The following AGL variants were observed in gnomAD, a reference collection of about 807,000 sequenced individuals.
The protein encoded by AGL is amylo-alpha-1,6-glucosidase and 4-alpha-glucanotransferase.
Under a neutral mutation model 199.3 loss-of-function variants are expected in AGL, and 128 were observed. That is an observed-to-expected ratio of 0.64 (90% CI 0.56 to 0.74). AGL has a LOEUF of 0.74. Among genes scored for constraint, AGL ranks in the 30% least tolerant of loss-of-function variants. AGL has a pLI of 0.00. For synonymous variants in AGL, 584 were observed against 594.7 expected, an observed-to-expected ratio of 0.98 and a Z score of 0.26; for missense variants, 1,809 against 1,820.8, an observed-to-expected ratio of 0.99 and a Z score of 0.12.
At position 99,879,686 on chromosome 1, in the gene AGL, TTTC is replaced by T. The variant is rs367874912; in HGVS notation, c.1612-228_1612-226del. The stretch of plus-strand genomic sequence containing the variant: ...CATTTAGTAATATGAAACTAACATT[TTTC>T]TTCTTCTTTTCCTCTCTCATGTCTC... On this transcript the variant is annotated intron_variant, in intron 12 of 33. Coordinates refer to ENST00000361915, the MANE Select transcript of AGL (RefSeq NM_000642.3). Among the ~76,000 whole-genome samples the T allele has an allele frequency of 0.011, 1,620 of 152,238 alleles. 25 individuals carry two copies. The highest frequency in any genetic ancestry group is 0.037 in the African/African-American group (1,546 of 41,542).
chr1:99,896,854 G>A (rs115729183), intron 25 of AGL, among the ~76,000 whole-genome samples: 2,032 of 151,964 alleles, frequency 0.013, 50 homozygotes, highest in African/African-American at 0.046. Context: ...ACTGTCGTCC[G>A]GGCTGGAGTG....
At chr1:99,905,182 C>G (rs1279940334) in intron 27 of AGL, among the ~76,000 whole-genome samples, 1 of 151,792 alleles carries the variant, frequency 6.6e-6, no homozygotes, top group East Asian at 1.9e-4. Flanking sequence ...CTTCATAGAC[C>G]ACTACAAACT....
chr1:99,903,602 G>A (rs1173854260), intron 27 of AGL, among the ~76,000 whole-genome samples: 1 of 152,182 alleles, frequency 6.6e-6, no homozygotes, highest in East Asian at 1.9e-4. Context: ...ACATACGTGT[G>A]CATGTGTCTT....
At chr1:99,908,310 C>CA (rs1203258071) in intron 27 of AGL, among the ~76,000 whole-genome samples, 1 of 151,368 alleles carries the variant, frequency 6.6e-6, no homozygotes, top group African/African-American at 2.4e-5. Flanking sequence ...GCACCCTTGT[C>CA]AAAAAAAATT....
At chr1:99,904,306 T>C (rs188163635) in intron 27 of AGL, among the ~76,000 whole-genome samples, 1 of 152,266 alleles carries the variant, frequency 6.6e-6, no homozygotes, top group East Asian at 1.9e-4. Context: ...AAAACATGCA[T>C]TGTTTTATGT....
At chr1:99,880,520 T>G in intron 13 of AGL, 112 bp from the exon 14 acceptor site, 1 of 1,271,844 alleles carries the variant, frequency 7.9e-7, no homozygotes, top group Non-Finnish European at 1.1e-6. Context: ...CAGTTTTATT[T>G]TTTATAATAT....
At chr1:99,862,637 C>T (rs1650152115) in intron 4 of AGL, among the ~76,000 whole-genome samples, 1 of 152,136 alleles carries the variant, frequency 6.6e-6, no homozygotes, top group Admixed American at 6.5e-5. Context: ...AACTTACAGT[C>T]ATGGCAGAAG....
intron 25 of AGL, 119 bp downstream of exon 25, chr1:99,896,507 G>A (rs1370725067): frequency 1.2e-6 from 1 of 814,874 alleles, no homozygotes; most frequent in Non-Finnish European, 2.1e-6. Flanking sequence ...TTTTCTTTAG[G>A]TAGTTTTTAT....
At chr1:99,876,371 AAAG>A (rs1168701698) in intron 10 of AGL, 84 bp from the exon 11 acceptor site, 55 of 1,042,540 alleles carry the variant, frequency 5.3e-5, no homozygotes, top group Non-Finnish European at 7.2e-5. Context: ...ATTCATTAGA[AAAG>A]AAGTTTAGTT....
At position 99,870,404 on chromosome 1, in the gene AGL, T is replaced by C. The variant is rs764000104; in HGVS notation, c.669T>C (p.Ala223=). The change falls in exon 6 of 34, where the codon GCT becomes GCC. Residue 223 remains alanine, a synonymous_variant. Coordinates refer to ENST00000361915, the MANE Select transcript of AGL (RefSeq NM_000642.3). ...ITDVVYNHTA[A]NSKWIQEHPE... ...TGTGTCTCCTTTTTCCTTCAGCTGCTAATAGTAAATGGATCCAGGAACATC... is the reference window on the plus strand; with the variant it reads ...TGTGTCTCCTTTTTCCTTCAGCTGCCAATAGTAAATGGATCCAGGAACATC... 5.6e-6 allele frequency: 9 copies of C among 1,613,918 alleles called. No individual in the cohort carries two copies. The Admixed American group carries it at 1.3e-4, about 24-fold the overall frequency.
At chr1:99,899,546 C>T (rs200858484) in intron 25 of AGL, among the ~76,000 whole-genome samples, 5 of 150,232 alleles carry the variant, frequency 3.3e-5, no homozygotes, top group South Asian at 2.1e-4. Flanking sequence ...CTCTCTTTCT[C>T]TCTCTCTCTC....
intron 2 of AGL, among the ~76,000 whole-genome samples, chr1:99,857,042 G>A (rs930252664): frequency 1.9e-4 from 29 of 151,016 alleles, no homozygotes; most frequent in African/African-American, 4.9e-4. Flanking sequence ...CTCACCTCCC[G>A]GATGGGGCGG....
chr1:99,921,695 G>GA lies in AGL; in HGVS notation c.*44_*45insA. The GA allele has an allele frequency of 2.9e-6, 4 of 1,393,292 alleles. No individual in the cohort carries two copies. The highest frequency in any genetic ancestry group is 4.1e-6 in the Non-Finnish European group (4 of 983,534). The allele number at this position is 1,393,292 out of a possible 1,614,324, so 86.3% of individuals were successfully genotyped here. A position where few individuals can be genotyped will look rare whatever the true frequency, so the allele number is the denominator to read the frequency against. ...TATGCAATTACTTGTATTATAGGAT[G>GA]CAAGGTCATCATATGTAAATGCCTT... On this transcript the variant is annotated 3_prime_UTR_variant, in exon 34 of 34. Transcript: ENST00000361915.
At position 99,866,926 on chromosome 1, in the gene AGL, C is replaced by G. The variant is rs916170802; in HGVS notation, c.664+2337C>G. Reference sequence around the variant, plus strand: ...CTCCACCTTCCAGGTTCAAGTGATTCTCCCGCCTCAGCCTCCCAAGTAGCT... The same window carrying G: ...CTCCACCTTCCAGGTTCAAGTGATTGTCCCGCCTCAGCCTCCCAAGTAGCT... On this transcript the variant is annotated intron_variant, in intron 5 of 33. Coordinates refer to ENST00000361915, the MANE Select transcript of AGL (RefSeq NM_000642.3). Among the ~76,000 whole-genome samples the G allele has an allele frequency of 1.2e-4, 18 of 152,080 alleles. No homozygotes were observed. The East Asian group carries it at 2.9e-3, about 25-fold the overall frequency.
chr1:99,923,186 T>TATA lies in AGL; in HGVS notation c.*1537_*1539dup, dbSNP rs1191099556. 1.3e-5 allele frequency: 2 copies of TATA among 152,184 alleles called. No homozygotes were observed. Among genetic ancestry groups the TATA allele is most frequent in the Non-Finnish European group, 2.9e-5 (2 of 67,994 alleles). The allele number at this position is 152,184 out of a possible 1,614,324, so 9.4% of individuals were successfully genotyped here. On this transcript the variant is annotated 3_prime_UTR_variant, in exon 34 of 34. Transcript: ENST00000361915. ...TTGTGACAGTAATCTGACCACTATCTATAAATACATTGGACATTGGTTTCC... is the reference window on the plus strand; with the variant it reads ...TTGTGACAGTAATCTGACCACTATCTATAATAAATACATTGGACATTGGTTTCC...
intron 25 of AGL, among the ~76,000 whole-genome samples, chr1:99,897,679 A>G (rs1333189511): frequency 6.6e-6 from 1 of 152,230 alleles, no homozygotes; most frequent in Non-Finnish European, 1.5e-5. Context: ...GAAATGGAAC[A>G]TCAGCATTCA....
In AGL at chr1:99,916,406, G is replaced by T. The variant is rs767426474; in HGVS notation, c.4260-4G>T. 3.1e-6 allele frequency: 5 copies of T among 1,593,646 alleles called. No homozygotes were observed. The highest frequency in any genetic ancestry group is 1.7e-5 in the Admixed American group (1 of 59,172). On this transcript the variant is annotated splice_polypyrimidine_tract_variant and splice_region_variant and intron_variant, in intron 31 of 33. Transcript: ENST00000361915. Reference sequence around the variant, plus strand: ...ATTTAACTTAAATTTCAATCATTTTGCAGTGATATGGTTTACTGTGGAATT... The same window carrying T: ...ATTTAACTTAAATTTCAATCATTTTTCAGTGATATGGTTTACTGTGGAATT...
rs373518141 is a variant in AGL, at chr1:99,921,180, C to CAGAT, written c.4482-353_4482-352insGATA. Among the ~76,000 whole-genome samples, 1,144 of 152,130 alleles carry CAGAT rather than the reference C, an allele frequency of 7.5e-3. 18 individuals carry two copies. The highest frequency in any genetic ancestry group is 0.027 in the African/African-American group (1,101 of 41,504). ...ATTACTTTTACTTTTACAGTTTTAT[C>CAGAT]AAGATCACACATAACACATCTGCAT... On this transcript the variant is annotated intron_variant, in intron 33 of 33. Transcript: ENST00000361915.
chr1:99,910,486 T>G (rs1485102174), intron 27 of AGL, among the ~76,000 whole-genome samples: 2 of 152,150 alleles, frequency 1.3e-5, no homozygotes, highest in Admixed American at 6.5e-5. Flanking sequence ...AGTAAGGGTT[T>G]CTCTAGAATA....
Sources: allele counts gnomAD v4.1 joint callset (sites outside exome capture counted in the v4.1 genomes callset), GRCh38; gene constraint gnomAD v4.1.1; transcripts MANE v1.5; gene names NCBI Gene and HGNC (gene_info 2026-07-23, HGNC 2026-07-21).